GLRA1: variants seen among roughly 807,000 people sequenced by gnomAD.
GLRA1 encodes glycine receptor subunit alpha-1.
In GLRA1, 37 loss-of-function variants were observed where a neutral mutation model predicts 48.3. That is an observed-to-expected ratio of 0.77 (90% CI 0.59 to 1.01). The LOEUF is 1.01. Among genes scored for constraint, GLRA1 ranks in the 50% least tolerant of loss-of-function variants. GLRA1 has a pLI of 0.00. For synonymous variants in GLRA1, 196 were observed against 210.7 expected (o/e 0.93, Z 0.60); for missense variants, 427 against 571.0 (o/e 0.75, Z 2.57).
At chr5:151,906,756 G>T (rs1300943852) in intron 1 of GLRA1, among the ~76,000 whole-genome samples, 1 of 152,158 alleles carries the variant, frequency 6.6e-6, no homozygotes, top group African/African-American at 2.4e-5. Context: ...AGGCACAGAG[G>T]CAGAAGTGAC....
Position 151,832,533 on chromosome 5 carries a change from C to T in GLRA1, c.913-3466G>A, listed in dbSNP as rs766217082. 1.3e-4 allele frequency among the ~76,000 whole-genome samples: 19 copies of T among 151,986 alleles called. 1 individual carries two copies. The South Asian group carries it at 1.7e-3, about 13-fold the overall frequency. On this transcript the variant is annotated intron_variant, in intron 7 of 8. Transcript: ENST00000274576. ...AGTATCGATAGCTGAATCGATCAAG[C>T]GGAATAAAGGATATCAGAGATTGAA...
rs1321951563 is a variant in GLRA1, at chr5:151,822,577, C to A, written c.*96G>T. The A allele has an allele frequency of 2.3e-5, 20 of 855,594 alleles. No homozygotes were observed. Among genetic ancestry groups the A allele is most frequent in the Non-Finnish European group, 3.8e-5 (19 of 498,078 alleles). 53.0% of individuals were successfully genotyped at this position (855,594 alleles called of 1,614,324 possible). A position where few individuals can be genotyped will look rare whatever the true frequency, so the allele number is the denominator to read the frequency against. ...TGCAGAGAGAGTTGTGTAAGTGTGC[C>A]CCCTCCCTCCGTTCCCCTTCTCTTC... is the stretch of plus-strand genomic sequence containing the variant. On this transcript the variant is annotated 3_prime_UTR_variant, in exon 9 of 9. Transcript: ENST00000274576.
intron 1 of GLRA1, among the ~76,000 whole-genome samples, chr5:151,893,511 C>T (rs1250031384): frequency 6.6e-6 from 1 of 151,932 alleles, no homozygotes; most frequent in African/African-American, 2.4e-5. Context: ...CCTCGCCTTG[C>T]CCCCCACTAC....
chr5:151,894,735 T>C (rs1313391944), intron 1 of GLRA1, among the ~76,000 whole-genome samples: 1 of 152,236 alleles, frequency 6.6e-6, no homozygotes, highest in Non-Finnish European at 1.5e-5. Context: ...AATGAATGAA[T>C]AATGTGCTAC....
chr5:151,862,729 G>A (rs1289980977), intron 3 of GLRA1, among the ~76,000 whole-genome samples: 1 of 152,178 alleles, frequency 6.6e-6, no homozygotes, highest in African/African-American at 2.4e-5. Context: ...CTCAAGAAGG[G>A]AATAGAATAT....
rs1268720941 is a variant in GLRA1 at position 151,896,750 on chromosome 5, TTTAAAC to T, written c.57-4318_57-4313del. 7.2e-5 allele frequency among the ~76,000 whole-genome samples: 11 copies of T among 152,364 alleles called. No individual in the cohort carries two copies. In the East Asian group the frequency reaches 2.1e-3, roughly 29 times the overall value. On this transcript the variant is annotated intron_variant, in intron 1 of 8. Transcript: ENST00000274576. Reference sequence around the variant, plus strand: ...ATTTTCATTAAATTGTCTCACTTCTTTTAAACTTAAACTTATTTAAAAGGAAACTAT... The same window carrying T: ...ATTTTCATTAAATTGTCTCACTTCTTTTAAACTTATTTAAAAGGAAACTAT...
chr5:151,892,544 G>A, intron 1 of GLRA1, 106 bp from the exon 2 acceptor site: 1 of 1,239,118 alleles, frequency 8.1e-7, no homozygotes, highest in East Asian at 2.4e-5. Flanking sequence ...AGTGTTCTTA[G>A]CTGGAGTAAT....
chr5:151,831,886 C>T (rs908982613), intron 7 of GLRA1, among the ~76,000 whole-genome samples: 1 of 152,202 alleles, frequency 6.6e-6, no homozygotes, highest in African/African-American at 2.4e-5. Flanking sequence ...AAAGACAACT[C>T]ATACAGGAGA....
In GLRA1 at chr5:151,909,125, C is replaced by T. The variant is rs77863993; in HGVS notation, c.56+15369G>A. Among the ~76,000 whole-genome samples the T allele has an allele frequency of 8.8e-3, 1,339 of 152,160 alleles. 19 individuals carry two copies. Among genetic ancestry groups the T allele is most frequent in the African/African-American group, 0.031 (1,280 of 41,486 alleles). On this transcript the variant is annotated intron_variant, in intron 1 of 8. Coordinates refer to ENST00000274576, the MANE Select transcript of GLRA1 (RefSeq NM_000171.4). ...GTTCTAAATATATGTTATTCATATTCGCTGGTATTATTAATTATAAATATT... is the reference window on the plus strand; with the variant it reads ...GTTCTAAATATATGTTATTCATATTTGCTGGTATTATTAATTATAAATATT...
chr5:151,908,708 G>A (rs942972708), intron 1 of GLRA1, among the ~76,000 whole-genome samples: 4 of 150,018 alleles, frequency 2.7e-5, no homozygotes, highest in African/African-American at 9.9e-5. Flanking sequence ...CTTTCTTCTC[G>A]TTTGTTGCTT....
chr5:151,852,194 T>C (rs538105330), intron 6 of GLRA1, among the ~76,000 whole-genome samples: 51 of 152,308 alleles, frequency 3.3e-4, no homozygotes, highest in African/African-American at 1.2e-3. Flanking sequence ...TGACTCCCTA[T>C]ATGCCATCCC....
At chr5:151,864,316 C>T (rs1753278897) in intron 3 of GLRA1, among the ~76,000 whole-genome samples, 1 of 152,192 alleles carries the variant, frequency 6.6e-6, no homozygotes. Flanking sequence ...AAGAAAGTGG[C>T]ATTTCTTAAA....
intron 3 of GLRA1, among the ~76,000 whole-genome samples, chr5:151,860,742 T>C (rs1753175668): frequency 6.6e-6 from 1 of 152,184 alleles, no homozygotes; most frequent in Admixed American, 6.5e-5. Context: ...TTTTATTTAT[T>C]ATACTTTAAG....
In GLRA1 at chr5:151,824,323, C is replaced by G. The variant is rs143993564; in HGVS notation, c.1060-1360G>C. 2.1e-4 allele frequency among the ~76,000 whole-genome samples: 32 copies of G among 151,858 alleles called. No homozygotes were observed. The East Asian group carries it at 6.2e-3, about 29-fold the overall frequency. Reference sequence around the variant, plus strand: ...ACCATTGCAACAGCCTCCAATCTGCCCCCACCACCCAACCCATCTGAGTCG... The same window carrying G: ...ACCATTGCAACAGCCTCCAATCTGCGCCCACCACCCAACCCATCTGAGTCG... On this transcript the variant is annotated intron_variant, in intron 8 of 8. Coordinates refer to ENST00000274576, the MANE Select transcript of GLRA1 (RefSeq NM_000171.4).
At chr5:151,828,869 T>C (rs376543084) in intron 8 of GLRA1, 52 bp downstream of exon 8, 2 of 1,559,728 alleles carry the variant, frequency 1.3e-6, no homozygotes, top group East Asian at 2.2e-5. Context: ...TGCTTAGAAC[T>C]CTTTTGTTTA....
intron 3 of GLRA1, among the ~76,000 whole-genome samples, chr5:151,873,941 C>G (rs1753559047): frequency 6.6e-6 from 1 of 152,038 alleles, no homozygotes; most frequent in East Asian, 1.9e-4. Flanking sequence ...AACATAGTGC[C>G]CTATAGGTAG....
chr5:151,841,877 A>T (rs7715560), intron 7 of GLRA1, among the ~76,000 whole-genome samples: 71,398 of 151,698 alleles, frequency 0.47, 17,698 homozygotes, highest in African/African-American at 0.64. Flanking sequence ...GCCAACATGG[A>T]GAAACCCCAT....
chr5:151,897,404 C>T (rs1003545142), intron 1 of GLRA1, among the ~76,000 whole-genome samples: 1 of 152,076 alleles, frequency 6.6e-6, no homozygotes, highest in Non-Finnish European at 1.5e-5. Context: ...AAATGAAACA[C>T]TCAATTGTTA....
At chr5:151,833,887 G>GCA (rs1763495854) in intron 7 of GLRA1, among the ~76,000 whole-genome samples, 1 of 149,906 alleles carries the variant, frequency 6.7e-6, no homozygotes, top group Non-Finnish European at 1.5e-5. Flanking sequence ...ACAAAGAAGG[G>GCA]CATTACATAA....
Sources: allele counts gnomAD v4.1 joint callset (sites outside exome capture counted in the v4.1 genomes callset), GRCh38; gene constraint gnomAD v4.1.1; transcripts MANE v1.5; gene names NCBI Gene and HGNC (gene_info 2026-07-23, HGNC 2026-07-21).